ZNF28: variants seen among roughly 807,000 people sequenced by gnomAD.
The protein encoded by ZNF28 is zinc finger protein 28, also known as zinc finger protein KOX24.
A neutral mutation model predicts 7.2 loss-of-function variants in ZNF28; 5 were observed. That is an observed-to-expected ratio of 0.70 (90% CI 0.36 to 1.46). The LOEUF (loss-of-function observed/expected upper bound fraction) is 1.46. ZNF28 is among the 40% of genes most tolerant of loss of function. The probability of loss-of-function intolerance (pLI) is 0.03; values close to 1 mark genes in which losing one functional copy is unlikely to be tolerated. For synonymous variants in ZNF28, 288 were observed against 292.4 expected (o/e 0.99, Z 0.15); for missense variants, 879 against 866.6 (o/e 1.01, Z -0.18).
intron 2 of ZNF28, among the ~76,000 whole-genome samples, chr19:52,811,103 G>C (rs1408300400): frequency 6.7e-6 from 1 of 149,452 alleles, no homozygotes; most frequent in Non-Finnish European, 1.5e-5. Flanking sequence ...TGTGTTGGCT[G>C]GGCTGGTCTC....
intron 2 of ZNF28, chr19:52,810,426 C>G: frequency 1.2e-6 from 2 of 1,602,798 alleles, no homozygotes; most frequent in Non-Finnish European, 1.7e-6. Flanking sequence ...TAGTGGCCAT[C>G]CCAAAGGGTT....
intron 1 of ZNF28, among the ~76,000 whole-genome samples, chr19:52,819,809 C>T (rs1236429221): frequency 7.0e-6 from 1 of 143,698 alleles, no homozygotes; most frequent in Non-Finnish European, 1.5e-5. Flanking sequence ...ACATTGAATT[C>T]TTCCTTACAA....
intron 2 of ZNF28, chr19:52,810,011 G>A (rs1189560233): frequency 1.3e-6 from 1 of 752,642 alleles, no homozygotes; most frequent in Non-Finnish European, 2.4e-6. Flanking sequence ...AGCTGCTGTT[G>A]GAGCCGGAGC....
intron 2 of ZNF28, among the ~76,000 whole-genome samples, chr19:52,817,654 A>T (rs999287137): frequency 5.9e-5 from 9 of 151,944 alleles, no homozygotes; most frequent in African/African-American, 1.9e-4. Flanking sequence ...CCCTGAACAA[A>T]CCCTGCTGCC....
intron 2 of ZNF28, chr19:52,810,509 C>A (rs2063005995): frequency 6.3e-7 from 1 of 1,588,308 alleles, no homozygotes; most frequent in African/African-American, 1.3e-5. Context: ...TAGAGGAAGG[C>A]AAATCAAGGT....
chr19:52,809,826 G>A lies in ZNF28; in HGVS notation c.16-1693C>T, dbSNP rs62119625. 558 of 318,784 alleles carry A rather than the reference G, an allele frequency of 1.8e-3. 5 individuals carry two copies. Among genetic ancestry groups the A allele is most frequent in the Middle Eastern group, 4.3e-3 (5 of 1,150 alleles). The allele number at this position is 318,784 out of a possible 1,614,324, so 19.7% of individuals were successfully genotyped here. A position where few individuals can be genotyped will look rare whatever the true frequency, so the allele number is the denominator to read the frequency against. Reference sequence around the variant, plus strand: ...GGAGCCCAGTCTGAGCGGCGAAGGCGGCGGCGGCGGCGGTGGCGGTGGTGG... The same window carrying A: ...GGAGCCCAGTCTGAGCGGCGAAGGCAGCGGCGGCGGCGGTGGCGGTGGTGG... On this transcript the variant is annotated intron_variant, in intron 2 of 3. Coordinates refer to ENST00000457749, the MANE Select transcript of ZNF28 (RefSeq NM_006969.5).
intron 3 of ZNF28, among the ~76,000 whole-genome samples, chr19:52,803,744 A>G (rs2062902387): frequency 6.6e-6 from 1 of 151,928 alleles, no homozygotes; most frequent in Non-Finnish European, 1.5e-5. Flanking sequence ...AGGCAGGTAA[A>G]TCAGGAGTTC....
chr19:52,811,372 G>C lies in ZNF28; in HGVS notation c.16-3239C>G, dbSNP rs545695421. On this transcript the variant is annotated intron_variant, in intron 2 of 3. Coordinates refer to ENST00000457749, the MANE Select transcript of ZNF28 (RefSeq NM_006969.5). ...CCGCCCATTGTCTGGGATGTGAGGAGCCCCTCTGCCTGGCTGCCCAGTCTG... is the reference window on the plus strand; with the variant it reads ...CCGCCCATTGTCTGGGATGTGAGGACCCCCTCTGCCTGGCTGCCCAGTCTG... 2.0e-3 allele frequency among the ~76,000 whole-genome samples: 288 copies of C among 146,848 alleles called. 2 individuals carry two copies. The highest frequency in any genetic ancestry group is 8.9e-3 in the South Asian group (42 of 4,712).
In ZNF28 at chr19:52,800,127, T is replaced by C. The variant is rs1476822839; in HGVS notation, c.1718A>G (p.His573Arg). 6.2e-7 allele frequency: 1 copy of C among 1,614,104 alleles called. No homozygotes were observed. The highest frequency in any genetic ancestry group is 8.5e-7 in the Non-Finnish European group (1 of 1,179,966). Residue 573 changes from histidine (H) to arginine (R), a missense_variant, in exon 4 of 4, where the codon CAT becomes CGT. Around this residue, in one of 2 missense-constraint regions of ZNF28, gnomAD observed 864 missense variants for 830.2 expected, o/e 1.04. Coordinates refer to ENST00000457749, the MANE Select transcript of ZNF28 (RefSeq NM_006969.5). ...ACATTTGTACGGTTTCTCTCCAGTATGAATCCTCCTATGTCTTTCCATGTG... is the reference window on the plus strand; with the variant it reads ...ACATTTGTACGGTTTCTCTCCAGTACGAATCCTCCTATGTCTTTCCATGTG... ...KSHMERHRRI[H>R]TGEKPYKCKV...
intron 3 of ZNF28, among the ~76,000 whole-genome samples, chr19:52,802,030 A>G (rs2062878920): frequency 6.6e-6 from 1 of 152,208 alleles, no homozygotes. Context: ...ATCACATCAA[A>G]AAAAGAAAAA....
rs772519831 is a variant in ZNF28 at position 52,799,419 on chromosome 19, T to A, written c.*269A>T. ...GTTTGATTTGCAACCGAAAACTTTGTCACATTCTTCCTATTTGTAAAGTTT... is the reference window on the plus strand; with the variant it reads ...GTTTGATTTGCAACCGAAAACTTTGACACATTCTTCCTATTTGTAAAGTTT... On this transcript the variant is annotated 3_prime_UTR_variant, in exon 4 of 4. Coordinates refer to ENST00000457749, the MANE Select transcript of ZNF28 (RefSeq NM_006969.5). 4.3e-6 allele frequency: 3 copies of A among 700,170 alleles called. No individual in the cohort carries two copies. The highest frequency in any genetic ancestry group is 7.3e-6 in the Non-Finnish European group (3 of 408,834). The allele number at this position is 700,170 out of a possible 1,614,324, so 43.4% of individuals were successfully genotyped here.
intron 3 of ZNF28, chr19:52,807,735 A>G: frequency 1.9e-6 from 1 of 514,854 alleles, no homozygotes; most frequent in Non-Finnish European, 3.3e-6. Flanking sequence ...TTGGCCTCCC[A>G]AGGTGCTGGG....
intron 1 of ZNF28, among the ~76,000 whole-genome samples, chr19:52,821,052 T>C (rs560039195): frequency 4.4e-3 from 674 of 152,178 alleles, no homozygotes; most frequent in Middle Eastern, 0.01. Context: ...CAGGCACCTC[T>C]CCAACGCGGG....
intron 1 of ZNF28, among the ~76,000 whole-genome samples, chr19:52,820,975 G>A (rs1264056667): frequency 1.3e-5 from 2 of 151,990 alleles, no homozygotes; most frequent in Non-Finnish European, 2.9e-5. Context: ...CCTGCATCTC[G>A]GAGAAGCGCA....
Position 52,799,558 on chromosome 19 carries a change from C to G in ZNF28, c.*130G>C. The G allele has an allele frequency of 6.7e-7, 1 of 1,502,702 alleles. No individual in the cohort carries two copies. Among genetic ancestry groups the G allele is most frequent in the Admixed American group, 1.8e-5 (1 of 56,606 alleles). The allele number at this position is 1,502,702 out of a possible 1,614,324, so 93.1% of individuals were successfully genotyped here. A position where few individuals can be genotyped will look rare whatever the true frequency, so the allele number is the denominator to read the frequency against. The stretch of plus-strand genomic sequence containing the variant: ...CCAGTATGAATGGCTTTGTGACTTA[C>G]AAGGGTTGAATTGTGATGGAAGGTG... On this transcript the variant is annotated 3_prime_UTR_variant, in exon 4 of 4. Coordinates refer to ENST00000457749, the MANE Select transcript of ZNF28 (RefSeq NM_006969.5).
chr19:52,814,102 T>G (rs117804155), intron 2 of ZNF28, among the ~76,000 whole-genome samples: 1 of 146,562 alleles, frequency 6.8e-6, no homozygotes, highest in Non-Finnish European at 1.5e-5. Flanking sequence ...AATACACGTG[T>G]ACAAGACTTG....
At chr19:52,808,306 C>A (rs2062963752) in intron 2 of ZNF28, among the ~76,000 whole-genome samples, 173 bp from the exon 3 acceptor site, 1 of 152,152 alleles carries the variant, frequency 6.6e-6, no homozygotes, top group African/African-American at 2.4e-5. Flanking sequence ...GTGATCAAGA[C>A]ACACTTTCAG....
At position 52,801,285 on chromosome 19, in the gene ZNF28, T is replaced by C. The variant is rs1434637542; in HGVS notation, c.560A>G (p.His187Arg). ...SQRICCRPKT[H>R]ISNKYGNNSL... ...ATTATTTCCATACTTATTAGAAATA[T>C]GGGTTTTGGGCCTACAACAAATTCT... Residue 187 changes from histidine (H) to arginine (R), a missense_variant, in exon 4 of 4, where the codon CAT (histidine) becomes CGT (arginine). Around this residue, in one of 2 missense-constraint regions of ZNF28, gnomAD observed 864 missense variants for 830.2 expected, o/e 1.04. Coordinates refer to ENST00000457749, the MANE Select transcript of ZNF28 (RefSeq NM_006969.5). 2.5e-6 allele frequency: 4 copies of C among 1,614,032 alleles called. No individual in the cohort carries two copies. The highest frequency in any genetic ancestry group is 4.5e-5 in the East Asian group (2 of 44,888).
chr19:52,818,891 A>G (rs1178892921), intron 1 of ZNF28, among the ~76,000 whole-genome samples: 492 of 33,100 alleles, frequency 0.015, 38 homozygotes, highest in Non-Finnish European at 0.027. Flanking sequence ...TTGGGAAAAA[A>G]AAAAAAAAAA....
Sources: allele counts gnomAD v4.1 joint callset (sites outside exome capture counted in the v4.1 genomes callset), GRCh38; gene constraint gnomAD v4.1.1; regional missense constraint gnomAD v4.1.1; transcripts MANE v1.5; gene names NCBI Gene and HGNC (gene_info 2026-07-23, HGNC 2026-07-21).